Variants in FBXL7 observed in about 807,000 individuals in gnomAD.
FBXL7 encodes the protein F-box and leucine rich repeat protein 7, also known as F-box/LRR-repeat protein 7.
Under a neutral mutation model 38.3 loss-of-function variants are expected in FBXL7, and 12 were observed. That is an observed-to-expected ratio of 0.31 (90% CI 0.20 to 0.51). FBXL7 has a LOEUF of 0.51. Ranked by LOEUF, FBXL7 falls within the 20% of genes least tolerant of loss-of-function variation. The pLI is 0.98. For missense variants in FBXL7, 567 were observed against 676.4 expected, an observed-to-expected ratio of 0.84 and a Z score of 1.79; for synonymous variants, 297 against 300.9, an observed-to-expected ratio of 0.99 and a Z score of 0.13.
At chr5:15,811,696 G>T (rs793424) in intron 2 of FBXL7, among the ~76,000 whole-genome samples, 86,364 of 151,780 alleles carry the variant, frequency 0.57, 25,122 homozygotes, top group Non-Finnish European at 0.64. Flanking sequence ...CAGACACTTC[G>T]CAAAAGAAGA....
rs538633787 is a variant in FBXL7 at position 15,641,535 on chromosome 5, T to C, written c.127+25463T>C. Among the ~76,000 whole-genome samples the C allele has an allele frequency of 1.4e-4, 22 of 151,806 alleles. 1 individual carries two copies. The South Asian group carries it at 3.5e-3, about 24-fold the overall frequency. On this transcript the variant is annotated intron_variant, in intron 2 of 3. Coordinates refer to ENST00000504595, the MANE Select transcript of FBXL7 (RefSeq NM_012304.5). ...TTTTTTTTGGTGGCAGTGATTAATA[T>C]TATGTGTCAACTTGACCAGGTCATA...
intron 1 of FBXL7, among the ~76,000 whole-genome samples, chr5:15,612,245 T>C (rs1258724793): frequency 1.3e-5 from 2 of 152,114 alleles, no homozygotes; most frequent in Non-Finnish European, 2.9e-5. Flanking sequence ...TCTAAACAGT[T>C]TCCTTGGAGG....
chr5:15,571,745 T>A (rs939146286), intron 1 of FBXL7, among the ~76,000 whole-genome samples: 6 of 152,022 alleles, frequency 3.9e-5, no homozygotes, highest in African/African-American at 1.4e-4. Context: ...GGTGAGGTAT[T>A]GTCAGTCACT....
Position 15,928,190 on chromosome 5 carries a change from G to A in FBXL7, c.428G>A (p.Arg143His). ...QLCRCARVCR[R>H]WYNLAWDPRL... ...TGCCGCTGCGCGCGAGTGTGCCGCC[G>A]CTGGTACAACCTGGCCTGGGACCCG... is the stretch of plus-strand genomic sequence containing the variant. The change falls in exon 3 of 4, where the codon CGC becomes CAC. Residue 143 changes from arginine (R) to histidine (H), a missense_variant. Transcript: ENST00000504595. This position sits in a 1 kb window ranked among gnomAD's most constrained non-coding sequence, Gnocchi z 4.0. The A allele has an allele frequency of 3.7e-6, 6 of 1,609,762 alleles. No homozygotes were observed. The highest frequency in any genetic ancestry group is 1.3e-5 in the African/African-American group (1 of 74,950).
At chr5:15,698,247 T>C (rs1208914681) in intron 2 of FBXL7, among the ~76,000 whole-genome samples, 1 of 152,148 alleles carries the variant, frequency 6.6e-6, no homozygotes, top group African/African-American at 2.4e-5. Flanking sequence ...TTCCAGAACA[T>C]AGGCAAATTG....
At position 15,844,475 on chromosome 5, in the gene FBXL7, T is replaced by A. The variant is rs1738838509; in HGVS notation, c.128-83415T>A. On this transcript the variant is annotated intron_variant, in intron 2 of 3. Coordinates refer to ENST00000504595, the MANE Select transcript of FBXL7 (RefSeq NM_012304.5). ...TGCTGGACAGTTCCCCAGGCTTCTT[T>A]CCAATTCTTCCTGTGGAGCAGGGAA... is the stretch of plus-strand genomic sequence containing the variant. Among the ~76,000 whole-genome samples, 3 of 152,222 alleles carry A rather than the reference T, an allele frequency of 2.0e-5. No homozygotes were observed. The South Asian group carries it at 6.2e-4, about 32-fold the overall frequency.
intron 1 of FBXL7, among the ~76,000 whole-genome samples, chr5:15,577,616 G>A (rs376482576): frequency 5.0e-5 from 3 of 59,836 alleles, no homozygotes; most frequent in Non-Finnish European, 1.2e-4. Flanking sequence ...GTGTGTGTGT[G>A]TGTGTGTGTG....
intron 2 of FBXL7, among the ~76,000 whole-genome samples, chr5:15,919,707 T>C (rs1741690340): frequency 6.6e-6 from 1 of 152,172 alleles, no homozygotes; most frequent in South Asian, 2.1e-4. Context: ...AATCCAAAAG[T>C]TCACTAAGAA....
chr5:15,731,624 A>C (rs865865397), intron 2 of FBXL7, among the ~76,000 whole-genome samples: 1 of 152,222 alleles, frequency 6.6e-6, no homozygotes, highest in Non-Finnish European at 1.5e-5. Context: ...GGCAGAGGAC[A>C]CGGATGACTT....
intron 1 of FBXL7, among the ~76,000 whole-genome samples, chr5:15,595,215 G>A (rs955947348): frequency 4.6e-5 from 7 of 152,202 alleles, no homozygotes; most frequent in East Asian, 1.9e-4. Context: ...TTATTACTAC[G>A]TTAAGTGCCA....
rs562012884 is a variant in FBXL7, at chr5:15,936,659, C to T, written c.949C>T (p.Arg317Cys). 5.6e-6 allele frequency: 9 copies of T among 1,608,266 alleles called. No homozygotes were observed. The African/African-American group carries it at 9.3e-5, about 17-fold the overall frequency. Reference protein sequence around the residue: ...RCVRLTDEGLRYLVIYCASIK... With the variant: ...RCVRLTDEGLCYLVIYCASIK... ...CGTCCGCCTGACCGACGAAGGCCTG[C>T]GCTACCTGGTGATCTACTGCGCCTC... is the stretch of plus-strand genomic sequence containing the variant. Residue 317 changes from arginine (R) to cysteine (C), a missense_variant, in exon 4 of 4, where the codon CGC becomes TGC. By Grantham distance (180) the Arg-to-Cys change is radical. Transcript: ENST00000504595. The surrounding 1 kb of genome is among the most constrained non-coding windows in gnomAD (Gnocchi z 6.0).
In FBXL7 at chr5:15,644,590, G is replaced by T. The variant is rs147801862; in HGVS notation, c.127+28518G>T. ...TATTCATCACTTTTGCCCATTTGAA[G>T]AATGCTTTATTTCTAGGGGAACACT... On this transcript the variant is annotated intron_variant, in intron 2 of 3. Transcript: ENST00000504595. Among the ~76,000 whole-genome samples the T allele has an allele frequency of 1.4e-4, 21 of 152,260 alleles. No individual in the cohort carries two copies. In the East Asian group the frequency reaches 4.1e-3, roughly 29 times the overall value.
intron 2 of FBXL7, among the ~76,000 whole-genome samples, chr5:15,678,984 C>A (rs1206980114): frequency 2.0e-5 from 3 of 152,190 alleles, no homozygotes; most frequent in Non-Finnish European, 4.4e-5. Flanking sequence ...GCTTTGATTT[C>A]TAGTCTTCAT....
At chr5:15,523,842 A>G (rs1163353196) in intron 1 of FBXL7, among the ~76,000 whole-genome samples, 2 of 152,120 alleles carry the variant, frequency 1.3e-5, no homozygotes, top group Non-Finnish European at 2.9e-5. Flanking sequence ...GCTGCAGTTG[A>G]GTCTGGGAAA....
chr5:15,803,639 T>A (rs79517429), intron 2 of FBXL7, among the ~76,000 whole-genome samples: 2,968 of 152,058 alleles, frequency 0.02, 103 homozygotes, highest in African/African-American at 0.068. Context: ...TCACATTTCA[T>A]GCAACCCCCG....
chr5:15,756,995 A>G (rs532015717), intron 2 of FBXL7, among the ~76,000 whole-genome samples: 1 of 152,320 alleles, frequency 6.6e-6, no homozygotes, highest in Admixed American at 6.5e-5. Context: ...AAGGTTTTCT[A>G]AACAGTTTTT....
At chr5:15,609,833 AGGTG>A (rs1322760654) in intron 1 of FBXL7, among the ~76,000 whole-genome samples, 1 of 152,190 alleles carries the variant, frequency 6.6e-6, no homozygotes, top group African/African-American at 2.4e-5. Context: ...ATAGGGACTG[AGGTG>A]ACAGCAATTC....
intron 2 of FBXL7, among the ~76,000 whole-genome samples, chr5:15,799,077 G>C (rs952567268): frequency 2.6e-5 from 4 of 152,208 alleles, no homozygotes; most frequent in Admixed American, 6.5e-5. Flanking sequence ...GCTCAGCACT[G>C]ACCAGGCAAT....
chr5:15,731,193 T>C (rs143721635), intron 2 of FBXL7, among the ~76,000 whole-genome samples: 105 of 152,264 alleles, frequency 6.9e-4, no homozygotes, highest in African/African-American at 2.3e-3. Flanking sequence ...GCTGTGTTAG[T>C]CTGTTTTCAC....
Sources: allele counts gnomAD v4.1 joint callset (sites outside exome capture counted in the v4.1 genomes callset), GRCh38; gene constraint gnomAD v4.1.1; non-coding constraint Gnocchi (gnomAD v3.1); transcripts MANE v1.5; gene names NCBI Gene and HGNC (gene_info 2026-07-23, HGNC 2026-07-21).